Variants in NUDCD1 observed in about 807,000 individuals in gnomAD.
NUDCD1 encodes nudC domain-containing protein 1.
Under a neutral mutation model 67.8 loss-of-function variants are expected in NUDCD1, and 60 were observed. The ratio of observed to expected loss-of-function variants is 0.88; its 90% CI spans 0.72 to 1.10. NUDCD1 has a LOEUF of 1.10. Ranked by LOEUF, NUDCD1 falls within the 50% of genes least tolerant of loss-of-function variation. The pLI, the probability that NUDCD1 is intolerant of heterozygous loss-of-function variation, is 0.00. For synonymous variants in NUDCD1, 244 were observed against 230.8 expected (o/e 1.06, Z -0.52); for missense variants, 643 against 695.0 (o/e 0.93, Z 0.84).
chr8:109,283,178 C>A (rs1814496969), intron 5 of NUDCD1, among the ~76,000 whole-genome samples: 1 of 152,122 alleles, frequency 6.6e-6, no homozygotes, highest in Non-Finnish European at 1.5e-5. Context: ...ACAGACTGAA[C>A]TGAGCAGAAG....
At chr8:109,243,404 A>C in intron 9 of NUDCD1, 103 bp from the exon 10 acceptor site, 1 of 930,208 alleles carries the variant, frequency 1.1e-6, no homozygotes, top group African/African-American at 1.7e-5. Context: ...TTACAAATTA[A>C]AATGCCCAAG....
In NUDCD1 at chr8:109,241,946, T is replaced by C. The variant is rs572724224; in HGVS notation, c.*1063A>G. Reference sequence around the variant, plus strand: ...AGGTACATACATACTAAAACAAACCTGGAAAGGTAAGTTTGAAAAAACAAA... The same window carrying C: ...AGGTACATACATACTAAAACAAACCCGGAAAGGTAAGTTTGAAAAAACAAA... On this transcript the variant is annotated 3_prime_UTR_variant, in exon 10 of 10. Transcript: ENST00000239690. The C allele has an allele frequency of 7.6e-6, 3 of 395,946 alleles. No individual in the cohort carries two copies. The highest frequency in any genetic ancestry group is 6.2e-5 in the African/African-American group (3 of 48,612). 24.5% of individuals were successfully genotyped at this position (395,946 alleles called of 1,614,324 possible).
At chr8:109,316,122 A>T (rs1815389147) in intron 2 of NUDCD1, 1 of 152,206 alleles carries the variant, frequency 6.6e-6, no homozygotes, top group African/African-American at 2.4e-5. Flanking sequence ...ATATTAAGAA[A>T]CGGAACACAT....
chr8:109,261,900 A>ACACACCAT (rs1813871030), intron 8 of NUDCD1, among the ~76,000 whole-genome samples: 1 of 152,170 alleles, frequency 6.6e-6, no homozygotes, highest in Non-Finnish European at 1.5e-5. Context: ...AAGGGCTAGT[A>ACACACCAT]CACACCATAA....
At chr8:109,267,038 C>T (rs866299875) in intron 8 of NUDCD1, among the ~76,000 whole-genome samples, 1 of 152,050 alleles carries the variant, frequency 6.6e-6, no homozygotes, top group Non-Finnish European at 1.5e-5. Context: ...TATGAGTATC[C>T]ATTCTACATA....
intron 8 of NUDCD1, among the ~76,000 whole-genome samples, chr8:109,269,842 T>G (rs1201702552): frequency 1.3e-5 from 2 of 151,290 alleles, no homozygotes; most frequent in African/African-American, 4.9e-5. Flanking sequence ...ACTGATTTGC[T>G]GAGACACCCT....
At chr8:109,307,434 G>C (rs926633621) in intron 2 of NUDCD1, among the ~76,000 whole-genome samples, 2 of 152,166 alleles carry the variant, frequency 1.3e-5, no homozygotes, top group Admixed American at 1.3e-4. Context: ...CTGTTTGGTG[G>C]TCTCTTTACA....
At position 109,282,643 on chromosome 8, in the gene NUDCD1, T is replaced by C. The variant is rs528263627; in HGVS notation, c.824-1471A>G. On this transcript the variant is annotated intron_variant, in intron 5 of 9. Transcript: ENST00000239690. ...GTGGGAGTTGAACAATGAGAACTCA[T>C]GGATACAGGGAGGGGAACATCACAC... Among the ~76,000 whole-genome samples the C allele has an allele frequency of 8.9e-5, 11 of 123,598 alleles. No homozygotes were observed. In the East Asian group the frequency reaches 2.4e-3, roughly 27 times the overall value. The allele number at this position is 123,598 out of a possible 152,430, so 81.1% of individuals were successfully genotyped here. A position where few individuals can be genotyped will look rare whatever the true frequency, so the allele number is the denominator to read the frequency against.
At chr8:109,301,129 T>C (rs930896499) in intron 2 of NUDCD1, among the ~76,000 whole-genome samples, 5 of 152,194 alleles carry the variant, frequency 3.3e-5, no homozygotes, top group Non-Finnish European at 7.3e-5. Context: ...GACCTGCACG[T>C]ATGCATCCAG....
At chr8:109,256,736 G>T (rs1391063655) in intron 8 of NUDCD1, among the ~76,000 whole-genome samples, 1 of 151,798 alleles carries the variant, frequency 6.6e-6, no homozygotes, top group Non-Finnish European at 1.5e-5. Flanking sequence ...AGGAAAAAAT[G>T]ACACCAAGTT....
At chr8:109,313,889 C>A in intron 2 of NUDCD1, 1 of 828,660 alleles carries the variant, frequency 1.2e-6, no homozygotes, top group Non-Finnish European at 1.7e-6. Flanking sequence ...ACTTGAGTAT[C>A]TAAATGTGAA....
chr8:109,277,723 T>G (rs191040694), intron 6 of NUDCD1, among the ~76,000 whole-genome samples: 1 of 152,354 alleles, frequency 6.6e-6, no homozygotes, highest in Admixed American at 6.5e-5. Context: ...ATGCTGAAAC[T>G]ACTTACATGA....
Position 109,284,908 on chromosome 8 carries a change from A to C in NUDCD1, c.824-3736T>G, listed in dbSNP as rs190322926. ...GTTTTTTTTTGAAAGGATAAACAAGATCAATAGGCTGTTAGCTAGATTAAC... is the reference window on the plus strand; with the variant it reads ...GTTTTTTTTTGAAAGGATAAACAAGCTCAATAGGCTGTTAGCTAGATTAAC... On this transcript the variant is annotated intron_variant, in intron 5 of 9. Transcript: ENST00000239690. Among the ~76,000 whole-genome samples the C allele has an allele frequency of 3.6e-4, 54 of 152,078 alleles. No individual in the cohort carries two copies. The East Asian group carries it at 8.9e-3, about 25-fold the overall frequency.
intron 8 of NUDCD1, among the ~76,000 whole-genome samples, chr8:109,260,699 T>C (rs1813846837): frequency 6.6e-6 from 1 of 152,180 alleles, no homozygotes; most frequent in African/African-American, 2.4e-5. Context: ...CATGCACACG[T>C]CTCTTTGAGA....
At chr8:109,301,802 C>T (rs541200919) in intron 2 of NUDCD1, among the ~76,000 whole-genome samples, 2 of 152,376 alleles carry the variant, frequency 1.3e-5, no homozygotes, top group South Asian at 2.1e-4. Context: ...ACTCCAGCAC[C>T]AGTCATGGAC....
At chr8:109,329,676 G>A in intron 1 of NUDCD1, 1 of 752,386 alleles carries the variant, frequency 1.3e-6, no homozygotes, top group South Asian at 2.0e-5. Context: ...TCTTGATTGT[G>A]GTGATGATTT....
intron 7 of NUDCD1, among the ~76,000 whole-genome samples, chr8:109,273,399 T>A (rs1814204331): frequency 6.6e-6 from 1 of 152,012 alleles, no homozygotes. Flanking sequence ...TAGGCAAAAA[T>A]TTAGAGAATG....
At chr8:109,319,672 T>C (rs909421761) in intron 2 of NUDCD1, among the ~76,000 whole-genome samples, 2 of 152,224 alleles carry the variant, frequency 1.3e-5, no homozygotes, top group Non-Finnish European at 2.9e-5. Flanking sequence ...TCTCAGGAAC[T>C]GCAAGAGTTT....
Position 109,242,730 on chromosome 8 carries a change from C to T in NUDCD1, c.*279G>A, listed in dbSNP as rs1813394793. On this transcript the variant is annotated 3_prime_UTR_variant, in exon 10 of 10. Coordinates refer to ENST00000239690, the MANE Select transcript of NUDCD1 (RefSeq NM_032869.4). ...TGAATTGTACATCTTTCATATAAAA[C>T]ATGAGATTCTAGCCTGTTTTAAAAA... 4.6e-6 allele frequency: 1 copy of T among 216,476 alleles called. No individual in the cohort carries two copies. The highest frequency in any genetic ancestry group is 9.2e-6 in the Non-Finnish European group (1 of 108,338). 13.4% of individuals were successfully genotyped at this position (216,476 alleles called of 1,614,324 possible). A position where few individuals can be genotyped will look rare whatever the true frequency, so the allele number is the denominator to read the frequency against.
Sources: allele counts gnomAD v4.1 joint callset (sites outside exome capture counted in the v4.1 genomes callset), GRCh38; gene constraint gnomAD v4.1.1; transcripts MANE v1.5; gene names NCBI Gene and HGNC (gene_info 2026-07-23, HGNC 2026-07-21).